The following NAA35 variants were observed in gnomAD, a reference collection of about 807,000 sequenced individuals.
NAA35 encodes the protein MAK10 homolog, amino-acid N-acetyltransferase subunit.
Under a neutral mutation model 101.7 loss-of-function variants are expected in NAA35, and 18 were observed. The ratio of observed to expected loss-of-function variants is 0.18; its 90% CI spans 0.12 to 0.26. NAA35 has a LOEUF of 0.26. Among genes scored for constraint, NAA35 ranks in the 10% least tolerant of loss-of-function variants. The pLI, the probability that NAA35 is intolerant of heterozygous loss-of-function variation, is 1.00. For missense variants in NAA35, 601 were observed against 886.8 expected (o/e 0.68, Z 4.09); for synonymous variants, 267 against 273.1 (o/e 0.98, Z 0.22).
At chr9:86,007,637 A>G (rs1348709441) in intron 14 of NAA35, among the ~76,000 whole-genome samples, 173 bp downstream of exon 14, 8 of 152,204 alleles carry the variant, frequency 5.3e-5, no homozygotes, top group Admixed American at 5.2e-4. Context: ...GATTAAAACT[A>G]AGGTTTTTAT....
chr9:85,958,265 C>T (rs1457234289), intron 3 of NAA35, among the ~76,000 whole-genome samples: 1 of 152,130 alleles, frequency 6.6e-6, no homozygotes, highest in African/African-American at 2.4e-5. Context: ...CCTCACAGTG[C>T]ATGTGAAATA....
chr9:85,971,135 C>T (rs539172268), intron 6 of NAA35, among the ~76,000 whole-genome samples: 7 of 152,166 alleles, frequency 4.6e-5, no homozygotes, highest in Non-Finnish European at 7.3e-5. Context: ...CTCCTTGTAT[C>T]TACAGTCCCA....
intron 11 of NAA35, among the ~76,000 whole-genome samples, chr9:85,988,844 C>T (rs1033026051): frequency 4.0e-5 from 6 of 150,248 alleles, no homozygotes; most frequent in Non-Finnish European, 8.9e-5. Context: ...AAAAACTAAG[C>T]GAAGCAGAAG....
chr9:85,963,941 C>G (rs1160652249), intron 6 of NAA35, among the ~76,000 whole-genome samples: 1 of 152,066 alleles, frequency 6.6e-6, no homozygotes. Context: ...AATAAAATGG[C>G]CTTTAAATGT....
intron 6 of NAA35, among the ~76,000 whole-genome samples, chr9:85,969,525 G>A (rs574365479): frequency 6.6e-6 from 1 of 152,056 alleles, no homozygotes; most frequent in Non-Finnish European, 1.5e-5. Context: ...TTACCCCTCT[G>A]CTAGATAATT....
chr9:86,018,233 TC>T (rs1564330101), intron 19 of NAA35, 21 bp from the exon 20 acceptor site: 1 of 1,596,546 alleles, frequency 6.3e-7, no homozygotes, highest in Admixed American at 1.7e-5. Flanking sequence ...TCATCTTTTT[TC>T]TTATTCCCTT....
intron 12 of NAA35, among the ~76,000 whole-genome samples, chr9:86,000,520 C>T (rs77147964): frequency 1.1e-4 from 17 of 151,894 alleles, no homozygotes; most frequent in Middle Eastern, 3.4e-3. Flanking sequence ...GAATCCATCA[C>T]GTCCTGGCCT....
intron 2 of NAA35, among the ~76,000 whole-genome samples, chr9:85,945,533 AT>A (rs898299404): frequency 3.9e-4 from 57 of 146,102 alleles, no homozygotes; most frequent in Non-Finnish European, 4.5e-4. Flanking sequence ...GACTCTGGTG[AT>A]TTTTTTTTTT....
chr9:85,978,370 C>T lies in NAA35; in HGVS notation c.866C>T (p.Thr289Ile). Residue 289 changes from threonine to isoleucine, a missense_variant, in exon 11 of 23, where the codon ACT becomes ATT. Physicochemically the swap from Thr to Ile is moderately conservative, Grantham distance 89 (BLOSUM62 -1). Around this residue, in one of 8 missense-constraint regions of NAA35, gnomAD observed 190 missense variants for 223.1 expected, o/e 0.85. Coordinates refer to ENST00000361671, the MANE Select transcript of NAA35 (RefSeq NM_024635.4). ...LHHGIQAQND[T>I]TKGDHPIMMG... ...CATGGCATCCAGGCCCAGAATGATA[C>T]TACAAAAGGAGGTAATTGTTCAATT... 1 of 1,596,014 alleles carries T rather than the reference C, an allele frequency of 6.3e-7. No individual in the cohort carries two copies. Among genetic ancestry groups the T allele is most frequent in the Non-Finnish European group, 8.6e-7 (1 of 1,163,736 alleles).
chr9:85,982,691 T>A (rs1587614417), intron 11 of NAA35, among the ~76,000 whole-genome samples: 2 of 152,314 alleles, frequency 1.3e-5, no homozygotes, highest in Middle Eastern at 6.8e-3. Flanking sequence ...TTGTCATCTT[T>A]TAAAAATAAA....
At chr9:85,951,718 T>C (rs1236526151) in intron 2 of NAA35, among the ~76,000 whole-genome samples, 1 of 152,190 alleles carries the variant, frequency 6.6e-6, no homozygotes, top group Non-Finnish European at 1.5e-5. Context: ...TCCAGTGGCA[T>C]GATCTCTGCT....
At chr9:85,996,266 C>T (rs1311247213) in intron 11 of NAA35, 133 bp from the exon 12 acceptor site, 2 of 574,088 alleles carry the variant, frequency 3.5e-6, no homozygotes, top group East Asian at 3.2e-5. Context: ...ATTATAAAAT[C>T]TATTTAGAGG....
At chr9:86,008,210 A>G (rs1831734641) in intron 14 of NAA35, among the ~76,000 whole-genome samples, 1 of 152,136 alleles carries the variant, frequency 6.6e-6, no homozygotes, top group Non-Finnish European at 1.5e-5. Flanking sequence ...TCACGGGTGC[A>G]TGTCACCATG....
Position 85,947,798 on chromosome 9 carries a change from G to C in NAA35, c.124+5515G>C, listed in dbSNP as rs1049770322. 2.6e-5 allele frequency among the ~76,000 whole-genome samples: 4 copies of C among 151,050 alleles called. No homozygotes were observed. In the East Asian group the frequency reaches 6.6e-4, roughly 25 times the overall value. On this transcript the variant is annotated intron_variant, in intron 2 of 22. Coordinates refer to ENST00000361671, the MANE Select transcript of NAA35 (RefSeq NM_024635.4). ...TTTAGATTACTTTCAAGAAGGTTCAGCTATCACTTAACCTCTCAAACCCTG... is the reference window on the plus strand; with the variant it reads ...TTTAGATTACTTTCAAGAAGGTTCACCTATCACTTAACCTCTCAAACCCTG...
At chr9:85,946,289 C>A (rs1828760109) in intron 2 of NAA35, among the ~76,000 whole-genome samples, 1 of 152,130 alleles carries the variant, frequency 6.6e-6, no homozygotes, top group African/African-American at 2.4e-5. Flanking sequence ...AGACTACAGG[C>A]AAGTGCTATG....
At chr9:85,953,211 CAA>C (rs992411055) in intron 2 of NAA35, among the ~76,000 whole-genome samples, 7 of 146,436 alleles carry the variant, frequency 4.8e-5, no homozygotes, top group South Asian at 2.2e-4. Flanking sequence ...AGACCTGCCT[CAA>C]GAGATTTTTT....
rs199805722 is a variant in NAA35 at position 85,956,346 on chromosome 9, C to G, written c.125-14C>G. ...ATAAATATGTTCAAAGGGTTTTTCT[C>G]TTTTTTTTTTTAGAATTAAAGTTGG... On this transcript the variant is annotated splice_polypyrimidine_tract_variant and intron_variant, in intron 2 of 22. Coordinates refer to ENST00000361671, the MANE Select transcript of NAA35 (RefSeq NM_024635.4). 2 of 1,069,474 alleles carry G rather than the reference C, an allele frequency of 1.9e-6. No homozygotes were observed. The highest frequency in any genetic ancestry group is 5.9e-5 in the Admixed American group (2 of 33,784). The allele number at this position is 1,069,474 out of a possible 1,614,324, so 66.2% of individuals were successfully genotyped here.
At chr9:85,957,149 G>A (rs1173033653) in intron 3 of NAA35, among the ~76,000 whole-genome samples, 1 of 152,142 alleles carries the variant, frequency 6.6e-6, no homozygotes, top group Non-Finnish European at 1.5e-5. Flanking sequence ...TCATTGACTG[G>A]AAGTCTTACC....
At chr9:85,993,436 T>C (rs1021102810) in intron 11 of NAA35, among the ~76,000 whole-genome samples, 4 of 152,194 alleles carry the variant, frequency 2.6e-5, no homozygotes, top group African/African-American at 9.7e-5. Context: ...CCCAAAGTGC[T>C]GCGATTACAG....
Sources: allele counts gnomAD v4.1 joint callset (sites outside exome capture counted in the v4.1 genomes callset), GRCh38; gene constraint gnomAD v4.1.1; regional missense constraint gnomAD v4.1.1; transcripts MANE v1.5; gene names NCBI Gene and HGNC (gene_info 2026-07-23, HGNC 2026-07-21).